The following LRRTM4 variants were observed in gnomAD, a reference collection of about 807,000 sequenced individuals.
LRRTM4 encodes the protein leucine rich repeat transmembrane neuronal 4.
Under a neutral mutation model 47.6 loss-of-function variants are expected in LRRTM4, and 25 were observed. That is an observed-to-expected ratio of 0.53 (90% confidence interval 0.38 to 0.73). LRRTM4 has a LOEUF of 0.73. Ranked by LOEUF, LRRTM4 falls within the 30% of genes least tolerant of loss-of-function variation. The probability of loss-of-function intolerance (pLI) is 0.00; values close to 1 mark genes in which losing one functional copy is unlikely to be tolerated. For missense variants in LRRTM4, 638 were observed against 713.4 expected (o/e 0.89, Z 1.20); for synonymous variants, 311 against 269.5 (o/e 1.15, Z -1.51).
chr2:76,868,392 T>G (rs1036372045), intron 3 of LRRTM4, among the ~76,000 whole-genome samples: 17 of 152,050 alleles, frequency 1.1e-4, no homozygotes, highest in African/African-American at 4.1e-4. Context: ...TTCAAGAAAT[T>G]TTTTTTAGTG....
intron 3 of LRRTM4, among the ~76,000 whole-genome samples, chr2:77,366,180 C>T (rs1672448162): frequency 6.6e-6 from 1 of 151,648 alleles, no homozygotes; most frequent in African/African-American, 2.4e-5. Context: ...AAACATTCAC[C>T]CAATCCAATC....
chr2:77,386,900 C>T (rs1332821187), intron 3 of LRRTM4, among the ~76,000 whole-genome samples: 1 of 152,034 alleles, frequency 6.6e-6, no homozygotes, highest in Non-Finnish European at 1.5e-5. Flanking sequence ...ACATGTATAC[C>T]TATGTAACGA....
intron 3 of LRRTM4, among the ~76,000 whole-genome samples, chr2:76,903,346 C>T (rs1415895164): frequency 6.6e-6 from 1 of 152,038 alleles, no homozygotes; most frequent in Non-Finnish European, 1.5e-5. Context: ...ACCAGCCTGG[C>T]CAATATGGTG....
chr2:77,024,067 A>T (rs1361158954), intron 3 of LRRTM4, among the ~76,000 whole-genome samples: 1 of 152,148 alleles, frequency 6.6e-6, no homozygotes, highest in African/African-American at 2.4e-5. Context: ...AAAATGAGGG[A>T]AAAGCAAAAA....
chr2:77,511,501 T>C (rs1228013692), intron 3 of LRRTM4, among the ~76,000 whole-genome samples: 9 of 152,036 alleles, frequency 5.9e-5, no homozygotes, highest in African/African-American at 1.9e-4. Flanking sequence ...TGCCATAACC[T>C]TATTGAGTTA....
intron 3 of LRRTM4, among the ~76,000 whole-genome samples, chr2:76,897,621 T>C (rs1304299032): frequency 6.6e-6 from 1 of 152,152 alleles, no homozygotes; most frequent in African/African-American, 2.4e-5. Flanking sequence ...CCGTTATAGC[T>C]GTTGTCATGC....
chr2:77,221,099 C>A (rs571786006), intron 3 of LRRTM4, among the ~76,000 whole-genome samples: 1 of 152,198 alleles, frequency 6.6e-6, no homozygotes, highest in South Asian at 2.1e-4. Flanking sequence ...CATATCCAGC[C>A]AAACTAAGCT....
chr2:77,117,316 A>T (rs1342839727), intron 3 of LRRTM4, among the ~76,000 whole-genome samples: 1 of 152,020 alleles, frequency 6.6e-6, no homozygotes, highest in Non-Finnish European at 1.5e-5. Context: ...ATAGATAGCA[A>T]AAAGTCACAG....
chr2:77,256,369 C>T (rs1483242830), intron 3 of LRRTM4, among the ~76,000 whole-genome samples: 5 of 152,014 alleles, frequency 3.3e-5, no homozygotes, highest in Non-Finnish European at 7.4e-5. Flanking sequence ...TAAACAAGCT[C>T]ATCTAAAAAA....
At chr2:77,089,640 C>G (rs1303870768) in intron 3 of LRRTM4, among the ~76,000 whole-genome samples, 1 of 152,020 alleles carries the variant, frequency 6.6e-6, no homozygotes, top group South Asian at 2.1e-4. Context: ...ACTATGGGAA[C>G]CTTCCACCCT....
chr2:76,813,021 T>A (rs1306481847), intron 3 of LRRTM4, among the ~76,000 whole-genome samples: 1 of 151,768 alleles, frequency 6.6e-6, no homozygotes, highest in East Asian at 1.9e-4. Context: ...AAAAATTAGC[T>A]GGCATGGTGG....
chr2:77,353,140 A>G (rs1166166069), intron 3 of LRRTM4, among the ~76,000 whole-genome samples: 1 of 152,192 alleles, frequency 6.6e-6, no homozygotes, highest in African/African-American at 2.4e-5. Flanking sequence ...AATATTAGAA[A>G]ATGCAGAACT....
chr2:77,178,755 T>C (rs1207924293), intron 3 of LRRTM4, among the ~76,000 whole-genome samples: 2 of 152,210 alleles, frequency 1.3e-5, no homozygotes, highest in South Asian at 2.1e-4. Context: ...CATTTTGGCA[T>C]TGACTTTTTT....
intron 3 of LRRTM4, among the ~76,000 whole-genome samples, chr2:77,318,218 G>C (rs2104217866): frequency 6.6e-6 from 1 of 152,140 alleles, no homozygotes; most frequent in Non-Finnish European, 1.5e-5. Flanking sequence ...ATGTTAGCAA[G>C]GATGGTCTTG....
chr2:76,964,433 C>G (rs1053293980), intron 3 of LRRTM4, among the ~76,000 whole-genome samples: 1 of 150,904 alleles, frequency 6.6e-6, no homozygotes, highest in African/African-American at 2.4e-5. Flanking sequence ...GTCAGAGCAG[C>G]TGAAATGTCC....
chr2:77,282,967 T>C (rs955694950), intron 3 of LRRTM4, among the ~76,000 whole-genome samples: 1 of 151,666 alleles, frequency 6.6e-6, no homozygotes, highest in African/African-American at 2.4e-5. Context: ...TCAACAGCAA[T>C]TGCAACAAAA....
intron 3 of LRRTM4, among the ~76,000 whole-genome samples, chr2:77,203,795 T>C (rs1674046716): frequency 2.6e-5 from 4 of 152,164 alleles, no homozygotes; most frequent in Admixed American, 2.6e-4. Flanking sequence ...CAAGAAACTT[T>C]TTGTTCAAAA....
At chr2:76,995,559 T>C (rs1034652489) in intron 3 of LRRTM4, among the ~76,000 whole-genome samples, 34 of 151,852 alleles carry the variant, frequency 2.2e-4, no homozygotes, top group Non-Finnish European at 3.7e-4. Context: ...TCTATCAAAG[T>C]AAAAATTAAT....
intron 3 of LRRTM4, among the ~76,000 whole-genome samples, chr2:77,270,964 CCT>C: frequency 6.6e-6 from 1 of 152,262 alleles, no homozygotes; most frequent in East Asian, 1.9e-4. Context: ...CATTCTGAGT[CCT>C]ATGAAGACCC....
Sources: allele counts gnomAD v4.1 joint callset (sites outside exome capture counted in the v4.1 genomes callset), GRCh38; gene constraint gnomAD v4.1.1; transcripts MANE v1.5; gene names NCBI Gene and HGNC (gene_info 2026-07-23, HGNC 2026-07-21).